Variants in TDRD1 observed in about 807,000 individuals in gnomAD.
TDRD1 encodes the protein tudor domain containing 1.
A neutral mutation model predicts 140.6 loss-of-function variants in TDRD1; 37 were observed. The observed-to-expected ratio is 0.26, with a 90% CI of 0.20 to 0.35. The LOEUF is 0.35. TDRD1 is among the 10% of genes least tolerant of loss of function. The pLI is 1.00. For synonymous variants in TDRD1, 506 were observed against 475.7 expected, an observed-to-expected ratio of 1.06 and a Z score of -0.83; for missense variants, 1,243 against 1,393.0, an observed-to-expected ratio of 0.89 and a Z score of 1.71.
intron 3 of TDRD1, among the ~76,000 whole-genome samples, chr10:114,191,267 T>C (rs1011474125): frequency 6.6e-6 from 1 of 152,208 alleles, no homozygotes; most frequent in African/African-American, 2.4e-5. Context: ...AAAACTATAG[T>C]ACAATATCAC....
chr10:114,212,356 C>G lies in TDRD1; in HGVS notation c.1831+320C>G, dbSNP rs1413348491. The stretch of plus-strand genomic sequence containing the variant: ...CCAAAATACTTCCTTAGGCTACATT[C>G]CCACAGGTGGAACAGGTCAGTAAGT... On this transcript the variant is annotated intron_variant, in intron 14 of 25. Coordinates refer to ENST00000251864, the Ensembl canonical transcript of TDRD1. Among the ~76,000 whole-genome samples, 6 of 152,174 alleles carry G rather than the reference C, an allele frequency of 3.9e-5. No homozygotes were observed. The East Asian group carries it at 1.2e-3, about 29-fold the overall frequency.
chr10:114,187,764 C>A, intron 1 of TDRD1, 62 bp from the exon 2 acceptor site: 1 of 1,348,948 alleles, frequency 7.4e-7, no homozygotes, highest in Non-Finnish European at 1.0e-6. Flanking sequence ...TTCCTCTGAG[C>A]CTGCAGTTCT....
chr10:114,184,421 T>G (rs2033355268), intron 1 of TDRD1, among the ~76,000 whole-genome samples: 2 of 152,228 alleles, frequency 1.3e-5, no homozygotes, highest in African/African-American at 4.8e-5. Context: ...CCTCAGGCTG[T>G]GCTTATTACT....
chr10:114,230,462 G>T (rs905304370), intron 25 of TDRD1, among the ~76,000 whole-genome samples: 1 of 152,112 alleles, frequency 6.6e-6, no homozygotes, highest in Non-Finnish European at 1.5e-5. Flanking sequence ...CAATGCCCTT[G>T]AAAAGAAAGT....
chr10:114,177,704 A>G (rs1470386945), upstream of TDRD1, among the ~76,000 whole-genome samples: 1 of 152,234 alleles, frequency 6.6e-6, no homozygotes, highest in Non-Finnish European at 1.5e-5. Context: ...TTAATACTGT[A>G]TCAATGTTGG....
intron 25 of TDRD1, chr10:114,231,391 G>T (rs2036748078): frequency 9.6e-7 from 1 of 1,045,676 alleles, no homozygotes; most frequent in African/African-American, 1.6e-5. Context: ...TCAGTTAAAA[G>T]TGAATATTTT....
At chr10:114,220,914 C>A in intron 19 of TDRD1, 71 bp downstream of exon 19, 2 of 1,105,756 alleles carry the variant, frequency 1.8e-6, no homozygotes, top group South Asian at 1.5e-5. Flanking sequence ...AAAAATTTTC[C>A]ATCATAAATG....
At chr10:114,185,951 C>G (rs1440703240) in intron 1 of TDRD1, among the ~76,000 whole-genome samples, 1 of 152,140 alleles carries the variant, frequency 6.6e-6, no homozygotes, top group Admixed American at 6.5e-5. Context: ...TGGAACCTTA[C>G]CATATAATTT....
intron 21 of TDRD1, among the ~76,000 whole-genome samples, chr10:114,225,581 C>T (rs2036389483): frequency 1.3e-5 from 2 of 151,318 alleles, no homozygotes; most frequent in Middle Eastern, 3.4e-3. Flanking sequence ...AAAATCTGGC[C>T]GGGTACAGTG....
chr10:114,190,910 A>T (rs754857028), intron 2 of TDRD1, 51 bp from the exon 3 acceptor site: 3 of 1,556,400 alleles, frequency 1.9e-6, no homozygotes, highest in Admixed American at 3.3e-5. Flanking sequence ...CATTATTAGC[A>T]ATAAAAAGTA....
intron 3 of TDRD1, among the ~76,000 whole-genome samples, chr10:114,197,775 A>G (rs1175751072): frequency 6.6e-6 from 1 of 151,534 alleles, no homozygotes; most frequent in Non-Finnish European, 1.5e-5. Flanking sequence ...CTTGTGCCTC[A>G]GCTTCCTGAG....
rs148633071 is a variant in TDRD1 at position 114,229,735 on chromosome 10, T to G, written c.3538+1610T>G. ...GGCTAATCTTAAACTTAATGGTGAT[T>G]TTAATTTCATAGATCAAGGAACATG... On this transcript the variant is annotated intron_variant, in intron 25 of 25. Coordinates refer to ENST00000251864, the Ensembl canonical transcript of TDRD1. Among the ~76,000 whole-genome samples, 11 of 151,380 alleles carry G rather than the reference T, an allele frequency of 7.3e-5. No homozygotes were observed. The East Asian group carries it at 1.9e-3, about 27-fold the overall frequency.
chr10:114,212,333 A>C (rs187330114), intron 14 of TDRD1, among the ~76,000 whole-genome samples: 29 of 152,304 alleles, frequency 1.9e-4, no homozygotes, highest in African/African-American at 5.8e-4. Flanking sequence ...GTTATATCCC[A>C]AAATACTTCC....
In TDRD1 at chr10:114,213,515, C is replaced by T. The variant is rs534677101; in HGVS notation, c.2001C>T (p.Leu667=). ...CTCATGTCAGTGTTAGCAAAGTTCT[C>T]CTAGATGCAGGCTTTGCTGTGGGAG... Residue 667 remains leucine, a synonymous_variant, in exon 15 of 26, where the codon CTC becomes CTT. Transcript: ENST00000251864. The T allele has an allele frequency of 7.2e-5, 117 of 1,613,854 alleles. 3 individuals are homozygous for T. In the South Asian group the frequency reaches 1.3e-3, roughly 17 times the overall value.
At chr10:114,210,437 A>G in intron 11 of TDRD1, 144 bp from the exon 12 acceptor site, 3 of 762,712 alleles carry the variant, frequency 3.9e-6, no homozygotes, top group Non-Finnish European at 6.0e-6. Context: ...GGGAAGAAGA[A>G]ACACCATGAC....
chr10:114,176,109 G>C (rs571116783), upstream of TDRD1, among the ~76,000 whole-genome samples: 8 of 152,128 alleles, frequency 5.3e-5, no homozygotes, highest in Admixed American at 1.3e-4. This position sits in a 1 kb window ranked among gnomAD's most constrained non-coding sequence, Gnocchi z 4.2. Flanking sequence ...AAAACTGATA[G>C]GAAGCTTCGT....
At chr10:114,195,432 C>T (rs1025499951) in intron 3 of TDRD1, among the ~76,000 whole-genome samples, 1 of 152,136 alleles carries the variant, frequency 6.6e-6, no homozygotes, top group Non-Finnish European at 1.5e-5. Context: ...GTATTAAAGT[C>T]TCTAACTATA....
chr10:114,199,011 G>A (rs113256503), intron 3 of TDRD1, among the ~76,000 whole-genome samples, 162 bp from the exon 4 acceptor site: 12 of 152,234 alleles, frequency 7.9e-5, no homozygotes, highest in South Asian at 6.2e-4. Flanking sequence ...TTGAGTCACC[G>A]TATGTTTGTT....
chr10:114,228,549 C>T (rs144516142), intron 25 of TDRD1: 6 of 990,286 alleles, frequency 6.1e-6, no homozygotes, highest in Admixed American at 1.2e-4. Flanking sequence ...TCTAAAGGGC[C>T]AAGAACGGAA....
Sources: gnomAD v4.1 joint callset for allele counts (sites outside exome capture counted in the v4.1 genomes callset) on GRCh38, gnomAD v4.1.1 for gene constraint, Gnocchi (gnomAD v3.1) non-coding constraint, MANE v1.5 for transcripts, NCBI Gene and HGNC (gene_info 2026-07-23, HGNC 2026-07-21) for gene names.